EIF2AK2: variants seen among roughly 807,000 people sequenced by gnomAD.
The protein encoded by EIF2AK2 is eukaryotic translation initiation factor 2 alpha kinase 2.
Under a neutral mutation model 70.5 loss-of-function variants are expected in EIF2AK2, and 40 were observed. The observed-to-expected ratio is 0.57, with a 90% confidence interval of 0.44 to 0.74. EIF2AK2 has a LOEUF of 0.74. Among genes scored for constraint, EIF2AK2 ranks in the 30% least tolerant of loss-of-function variants. EIF2AK2 has a pLI of 0.00. For synonymous variants in EIF2AK2, 198 were observed against 220.9 expected (o/e 0.90, Z 0.92); for missense variants, 555 against 644.3 (o/e 0.86, Z 1.50).
chr2:37,135,042 T>C (rs1210929546), intron 10 of EIF2AK2, among the ~76,000 whole-genome samples: 1 of 152,222 alleles, frequency 6.6e-6, no homozygotes, highest in Non-Finnish European at 1.5e-5. Context: ...CTTTAGAAGA[T>C]ATAGCCTGAA....
intron 1 of EIF2AK2, among the ~76,000 whole-genome samples, chr2:37,152,376 G>A (rs1240067714): frequency 6.6e-6 from 1 of 152,106 alleles, no homozygotes; most frequent in East Asian, 1.9e-4. Flanking sequence ...CTGCCTCCCA[G>A]GTTCAAGCAA....
intron 10 of EIF2AK2, among the ~76,000 whole-genome samples, chr2:37,135,086 C>T (rs79316517): frequency 0.03 from 4,507 of 152,240 alleles, 98 homozygotes; most frequent in Middle Eastern, 0.054. Flanking sequence ...CTAGACTCCT[C>T]GGCTGGAGTA....
rs75928452 is a variant in EIF2AK2 at position 37,115,596 on chromosome 2, A to T, written c.1249-737T>A. On this transcript the variant is annotated intron_variant, in intron 13 of 16. Coordinates refer to ENST00000233057, the MANE Select transcript of EIF2AK2 (RefSeq NM_001135651.3). ...CCCCATCCCAAGATAGGGCTGAACA[A>T]CCACTTGAGGAAATGTTGCAAATAT... is the stretch of plus-strand genomic sequence containing the variant. Among the ~76,000 whole-genome samples the T allele has an allele frequency of 5.3e-5, 8 of 152,280 alleles. 1 individual carries two copies. In the East Asian group the frequency reaches 1.5e-3, roughly 29 times the overall value.
At position 37,103,377 on chromosome 2, in the gene EIF2AK2, G is replaced by A. The variant is rs1443151832; in HGVS notation, c.*3896C>T. ...CACCCAGCTAATTTTTGTATTTTTA[G>A]TAGAGATGGGGTTTCACCATGTTGG... On this transcript the variant is annotated 3_prime_UTR_variant, in exon 17 of 17. Transcript: ENST00000233057. 2.0e-5 allele frequency: 3 copies of A among 151,940 alleles called. No homozygotes were observed. Among genetic ancestry groups the A allele is most frequent in the Non-Finnish European group, 4.4e-5 (3 of 68,058 alleles). 9.4% of individuals were successfully genotyped at this position (151,940 alleles called of 1,614,324 possible).
intron 4 of EIF2AK2, among the ~76,000 whole-genome samples, chr2:37,146,375 A>G (rs1675539695): frequency 6.6e-6 from 1 of 152,242 alleles, no homozygotes; most frequent in African/African-American, 2.4e-5. Context: ...TGTAAATACT[A>G]TGCCATTTTA....
chr2:37,102,311 G>C lies in EIF2AK2; in HGVS notation c.*4962C>G, dbSNP rs559583727. Reference sequence around the variant, plus strand: ...AAAAGTAAGGGGTTAGATGTATTAAGAACGGTAAAGTATTGATATTTGTTG... The same window carrying C: ...AAAAGTAAGGGGTTAGATGTATTAACAACGGTAAAGTATTGATATTTGTTG... On this transcript the variant is annotated 3_prime_UTR_variant, in exon 17 of 17. Coordinates refer to ENST00000233057, the MANE Select transcript of EIF2AK2 (RefSeq NM_001135651.3). 1 of 152,236 alleles carries C rather than the reference G, an allele frequency of 6.6e-6. No individual in the cohort carries two copies. The highest frequency in any genetic ancestry group is 1.9e-4 in the East Asian group (1 of 5,192). The allele number at this position is 152,236 out of a possible 1,614,324, so 9.4% of individuals were successfully genotyped here.
intron 15 of EIF2AK2, 26 bp from the exon 16 acceptor site, chr2:37,107,553 A>C: frequency 6.3e-7 from 1 of 1,596,610 alleles, no homozygotes; most frequent in African/African-American, 1.4e-5. Context: ...ATAGGTGTAT[A>C]TTAGGAAATT....
At chr2:37,128,524 C>T (rs1674823951) in intron 10 of EIF2AK2, among the ~76,000 whole-genome samples, 2 of 152,174 alleles carry the variant, frequency 1.3e-5, no homozygotes, top group Admixed American at 1.3e-4. Flanking sequence ...CTCCAAGAGA[C>T]ATGATCAATC....
intron 14 of EIF2AK2, among the ~76,000 whole-genome samples, chr2:37,111,007 G>T (rs1036748919): frequency 2.0e-5 from 3 of 152,162 alleles, no homozygotes; most frequent in Admixed American, 2.0e-4. Context: ...TTACAACATG[G>T]ATATATCTTG....
intron 14 of EIF2AK2, among the ~76,000 whole-genome samples, chr2:37,110,865 A>G (rs981528705): frequency 6.6e-6 from 1 of 152,270 alleles, no homozygotes; most frequent in Admixed American, 6.5e-5. Flanking sequence ...CATGTTCATC[A>G]GCAGCATTAT....
chr2:37,134,068 T>C (rs1411556169), intron 10 of EIF2AK2, among the ~76,000 whole-genome samples: 1 of 152,200 alleles, frequency 6.6e-6, no homozygotes, highest in Non-Finnish European at 1.5e-5. Flanking sequence ...CGCTGTCTTC[T>C]TCAGCTTATA....
At chr2:37,126,967 GAAAAAAAAAAAAAAA>G (rs57802509) in intron 10 of EIF2AK2, among the ~76,000 whole-genome samples, 46 of 52,168 alleles carry the variant, frequency 8.8e-4, no homozygotes, top group South Asian at 1.8e-3. Flanking sequence ...CAAAAAAACA[GAAAAAAAAAAAAAAA>G]AAAAAAAAAA....
intron 14 of EIF2AK2, among the ~76,000 whole-genome samples, chr2:37,112,887 A>T (rs1034790763): frequency 1.3e-5 from 2 of 152,138 alleles, no homozygotes; most frequent in African/African-American, 4.8e-5. Flanking sequence ...CCCCAAACAG[A>T]AGCTATACCC....
chr2:37,111,911 A>C lies in EIF2AK2; in HGVS notation c.1378-2616T>G, dbSNP rs1384678574. Among the ~76,000 whole-genome samples, 277 of 99,370 alleles carry C rather than the reference A, an allele frequency of 2.8e-3. 3 individuals carry two copies. Among genetic ancestry groups the C allele is most frequent in the Middle Eastern group, 9.2e-3 (2 of 218 alleles). The allele number at this position is 99,370 out of a possible 152,430, so 65.2% of individuals were successfully genotyped here. ...TATATATATATATATATATATATAT[A>C]TCATAATAAATCTCTCTCTCTCTCT... is the stretch of plus-strand genomic sequence containing the variant. On this transcript the variant is annotated intron_variant, in intron 14 of 16. Coordinates refer to ENST00000233057, the MANE Select transcript of EIF2AK2 (RefSeq NM_001135651.3).
At chr2:37,142,325 G>A (rs778640083) in intron 4 of EIF2AK2, among the ~76,000 whole-genome samples, 37 of 152,028 alleles carry the variant, frequency 2.4e-4, no homozygotes, top group Non-Finnish European at 3.2e-4. Flanking sequence ...TAGAGACAGC[G>A]TTTGGCCATA....
chr2:37,128,312 AATCTG>A (rs1276684359), intron 10 of EIF2AK2, among the ~76,000 whole-genome samples: 2 of 152,202 alleles, frequency 1.3e-5, no homozygotes, highest in Non-Finnish European at 2.9e-5. Context: ...TTTCAAGTGA[AATCTG>A]ATATGGAGCT....
chr2:37,146,861 C>A lies in EIF2AK2; in HGVS notation c.232G>T (p.Glu78Ter). Residue 78 changes from glutamate (E) to a stop codon, truncating the protein, a stop_gained, in exon 4 of 17, where the codon GAA (glutamate) becomes TAA (stop). Transcript: ENST00000233057. LOFTEE classifies it high-confidence loss of function. ...AKLAVEILNKEKKAVSPLLLT... is the reference protein window; with the variant it reads ...AKLAVEILNK Reference sequence around the variant, plus strand: ...AAAAGGCAATCACTCACCTTCTTTTCCTTATTAAGTATCTCAACAGCTAAT... The same window carrying A: ...AAAAGGCAATCACTCACCTTCTTTTACTTATTAAGTATCTCAACAGCTAAT... The A allele has an allele frequency of 6.2e-7, 1 of 1,613,214 alleles. No homozygotes were observed. The highest frequency in any genetic ancestry group is 1.7e-5 in the Admixed American group (1 of 59,866).
intron 6 of EIF2AK2, among the ~76,000 whole-genome samples, chr2:37,138,962 ATT>A (rs536992086): frequency 4.3e-5 from 6 of 140,760 alleles, no homozygotes; most frequent in Admixed American, 7.1e-5. Flanking sequence ...CACCCGTCTA[ATT>A]TTTTTTTTTT....
intron 13 of EIF2AK2, among the ~76,000 whole-genome samples, chr2:37,117,816 G>T (rs1674396955): frequency 1.3e-5 from 2 of 152,226 alleles, no homozygotes; most frequent in South Asian, 4.1e-4. Flanking sequence ...AACAGAAAGT[G>T]GTAAACACTT....
Sources: allele counts gnomAD v4.1 joint callset (sites outside exome capture counted in the v4.1 genomes callset), GRCh38; gene constraint gnomAD v4.1.1; transcripts MANE v1.5; gene names NCBI Gene and HGNC (gene_info 2026-07-23, HGNC 2026-07-21).